The following GSTA1 variants were observed in gnomAD, a reference collection of about 807,000 sequenced individuals.
GSTA1 encodes the protein glutathione S-transferase alpha 1.
A neutral mutation model predicts 21.5 loss-of-function variants in GSTA1; 23 were observed. That is an observed-to-expected ratio of 1.07 (90% CI 0.77 to 1.52). The LOEUF (loss-of-function observed/expected upper bound fraction) is 1.52, where lower values mean the gene tolerates loss of function less well. Ranked by LOEUF, GSTA1 falls within the 40% of genes most tolerant of loss-of-function variation. GSTA1 has a pLI of 0.00. For synonymous variants in GSTA1, 125 were observed against 90.0 expected, an observed-to-expected ratio of 1.39 and a Z score of -2.20; for missense variants, 301 against 264.2, an observed-to-expected ratio of 1.14 and a Z score of -0.96.
At chr6:52,792,260 G>C (rs1474794316) in intron 6 of GSTA1, among the ~76,000 whole-genome samples, 1 of 152,120 alleles carries the variant, frequency 6.6e-6, no homozygotes, top group Non-Finnish European at 1.5e-5. Context: ...TCTTGTATAA[G>C]ACAAGAAAAA....
rs559566259 is a variant in GSTA1, at chr6:52,801,547, T to A, written c.-31+2238A>T. ...TCTCTTAGCCATTGATTGAGGATCA[T>A]GTTTCAAAAGGAAGTGAAATTTTAT... On this transcript the variant is annotated intron_variant, in intron 1 of 6. Coordinates refer to ENST00000334575, the MANE Select transcript of GSTA1 (RefSeq NM_145740.5). Among the ~76,000 whole-genome samples the A allele has an allele frequency of 2.1e-3, 319 of 152,338 alleles. 1 individual carries two copies. The highest frequency in any genetic ancestry group is 7.3e-3 in the African/African-American group (303 of 41,572).
chr6:52,793,720 T>C (rs1271643830), intron 5 of GSTA1, among the ~76,000 whole-genome samples: 1 of 152,206 alleles, frequency 6.6e-6, no homozygotes, highest in Non-Finnish European at 1.5e-5. Context: ...GGTTGGGCAA[T>C]TGGTCTCCTA....
intron 5 of GSTA1, among the ~76,000 whole-genome samples, chr6:52,793,355 G>C (rs1410881337): frequency 6.6e-6 from 1 of 152,028 alleles, no homozygotes; most frequent in Non-Finnish European, 1.5e-5. Flanking sequence ...TCTACATTCT[G>C]CTCTCTCCCT....
intron 4 of GSTA1, among the ~76,000 whole-genome samples, chr6:52,795,620 A>G (rs1007442533): frequency 6.6e-6 from 1 of 152,114 alleles, no homozygotes; most frequent in African/African-American, 2.4e-5. Flanking sequence ...GCTGGTATTG[A>G]ATCAATCTGG....
intron 1 of GSTA1, among the ~76,000 whole-genome samples, chr6:52,800,336 A>G (rs1354920130): frequency 6.6e-6 from 1 of 152,170 alleles, no homozygotes; most frequent in Non-Finnish European, 1.5e-5. Flanking sequence ...ACTGAGTCTT[A>G]TTTTCTATGT....
intron 1 of GSTA1, among the ~76,000 whole-genome samples, chr6:52,803,374 G>C (rs1401159130): frequency 6.6e-6 from 1 of 152,060 alleles, no homozygotes; most frequent in Non-Finnish European, 1.5e-5. Context: ...CCTGAGTTTT[G>C]TATTTTCACA....
At chr6:52,796,108 G>A (rs111723181) in intron 4 of GSTA1, 74 bp downstream of exon 4, 73 of 1,604,994 alleles carry the variant, frequency 4.5e-5, no homozygotes, top group East Asian at 6.7e-5. Flanking sequence ...CCCTGCCATC[G>A]TCCCACCCAC....
intron 5 of GSTA1, 152 bp from the exon 6 acceptor site, chr6:52,793,139 G>A: frequency 9.2e-7 from 1 of 1,091,582 alleles, no homozygotes; most frequent in Non-Finnish European, 1.4e-6. Context: ...TTATCTGAAT[G>A]AATGAGAGAG....
chr6:52,792,066 C>T lies in GSTA1; in HGVS notation c.547-86G>A, dbSNP rs145407680. 1.9e-6 allele frequency: 3 copies of T among 1,578,428 alleles called. No homozygotes were observed. The African/African-American group carries it at 4.1e-5, about 21-fold the overall frequency. On this transcript the variant is annotated intron_variant, in intron 6 of 6. Coordinates refer to ENST00000334575, the MANE Select transcript of GSTA1 (RefSeq NM_145740.5). ...ACCCAGGGAATCTGAGCCCCTCCTGCAAAGACCAAGTGAGTCTGCTCCATC... is the reference window on the plus strand; with the variant it reads ...ACCCAGGGAATCTGAGCCCCTCCTGTAAAGACCAAGTGAGTCTGCTCCATC...
intron 4 of GSTA1, among the ~76,000 whole-genome samples, chr6:52,794,592 T>C (rs1247148337): frequency 6.6e-6 from 1 of 152,162 alleles, no homozygotes; most frequent in Non-Finnish European, 1.5e-5. Flanking sequence ...TCATCTCCAT[T>C]GTGGTTTGTT....
chr6:52,802,838 G>C (rs966217189), intron 1 of GSTA1, among the ~76,000 whole-genome samples: 4 of 152,094 alleles, frequency 2.6e-5, no homozygotes, highest in Non-Finnish European at 5.9e-5. Flanking sequence ...TCTGTCATAT[G>C]ATGGCTCTCT....
intron 2 of GSTA1, 98 bp downstream of exon 2, chr6:52,799,083 A>G: frequency 8.9e-7 from 1 of 1,117,414 alleles, no homozygotes; most frequent in Non-Finnish European, 1.4e-6. Flanking sequence ...TATTTAAGGC[A>G]CAATGCTTCA....
chr6:52,795,191 G>C (rs1763547844), intron 4 of GSTA1, among the ~76,000 whole-genome samples: 1 of 152,078 alleles, frequency 6.6e-6, no homozygotes, highest in African/African-American at 2.4e-5. Context: ...TGACTATCTG[G>C]ACATTTCATA....
At chr6:52,796,545 T>TATATATA (rs1386874190) in intron 3 of GSTA1, among the ~76,000 whole-genome samples, 3 of 21,004 alleles carry the variant, frequency 1.4e-4, no homozygotes, top group South Asian at 1.9e-3. Context: ...ATATATATAT[T>TATATATA]TTTTTTTTTT....
intron 1 of GSTA1, among the ~76,000 whole-genome samples, chr6:52,803,565 C>T (rs920922533): frequency 6.6e-6 from 1 of 152,094 alleles, no homozygotes; most frequent in African/African-American, 2.4e-5. Context: ...TGCTGAAGCC[C>T]TGGTTTTCTA....
rs566217463 is a variant in GSTA1 at position 52,796,059 on chromosome 6, C to T, written c.272+123G>A. ...GGGACTCTGCAATACTGGACCTCAG[C>T]GTACATGCCCAAGGCCCAGCCTGCT... On this transcript the variant is annotated intron_variant, in intron 4 of 6. Transcript: ENST00000334575. 48 of 1,417,558 alleles carry T rather than the reference C, an allele frequency of 3.4e-5. No homozygotes were observed. The South Asian group carries it at 4.2e-4, about 13-fold the overall frequency. 87.8% of individuals were successfully genotyped at this position (1,417,558 alleles called of 1,614,324 possible).
intron 5 of GSTA1, 114 bp from the exon 6 acceptor site, chr6:52,793,101 G>T: frequency 2.8e-6 from 4 of 1,441,346 alleles, no homozygotes; most frequent in Non-Finnish European, 3.9e-6. Context: ...TTACTGCATG[G>T]GTGCAGAAAT....
At position 52,792,862 on chromosome 6, in the gene GSTA1, C is replaced by A. The variant is rs746760020; in HGVS notation, c.540G>T (p.Leu180=). 1 of 1,613,920 alleles carries A rather than the reference C, an allele frequency of 6.2e-7. No homozygotes were observed. The highest frequency in any genetic ancestry group is 8.5e-7 in the Non-Finnish European group (1 of 1,179,920). ...GGGCTGTGAAATGGGTCACCTTCAG[C>A]AGAGGGAAGCTGGAGATAAGACTGG... ...LDSSLISSFP[L]LKALKTRISN... Residue 180 remains leucine (L), a synonymous_variant, in exon 6 of 7, where the codon CTG becomes CTT. Transcript: ENST00000334575.
At chr6:52,794,091 T>G (rs755935630) in intron 5 of GSTA1, 34 bp downstream of exon 5, 2 of 1,612,612 alleles carry the variant, frequency 1.2e-6, no homozygotes, top group Non-Finnish European at 1.7e-6. Context: ...GCCTCTAAAC[T>G]CAGTTCCCCA....
Sources: gnomAD v4.1 joint callset for allele counts (sites outside exome capture counted in the v4.1 genomes callset) on GRCh38, gnomAD v4.1.1 for gene constraint, MANE v1.5 for transcripts, NCBI Gene and HGNC (gene_info 2026-07-23, HGNC 2026-07-21) for gene names.